Variants in NACC2 observed in about 807,000 individuals in gnomAD.
The protein encoded by NACC2 is NACC family member 2, also known as nucleus accumbens-associated protein 2.
Under a neutral mutation model 25.1 loss-of-function variants are expected in NACC2, and 8 were observed. That is an observed-to-expected ratio of 0.32 (90% CI 0.19 to 0.57). The LOEUF (loss-of-function observed/expected upper bound fraction) is 0.57. Ranked by LOEUF, NACC2 falls within the 20% of genes least tolerant of loss-of-function variation. The pLI is 0.89. For synonymous variants in NACC2, 435 were observed against 294.7 expected, an observed-to-expected ratio of 1.48 and a Z score of -4.88; for missense variants, 644 against 650.2, an observed-to-expected ratio of 0.99 and a Z score of 0.10.
chr9:136,032,620 G>A (rs990612488), intron 2 of NACC2, among the ~76,000 whole-genome samples: 1 of 152,222 alleles, frequency 6.6e-6, no homozygotes, highest in South Asian at 2.1e-4. Flanking sequence ...GAACAGGCCA[G>A]GCCTGGTGGC....
At position 136,022,614 on chromosome 9, in the gene NACC2, G is replaced by T. The variant is rs1840308304; in HGVS notation, c.887-6185C>A. Among the ~76,000 whole-genome samples, 2 of 152,174 alleles carry T rather than the reference G, an allele frequency of 1.3e-5. No individual in the cohort carries two copies. Among genetic ancestry groups the T allele is most frequent in the Non-Finnish European group, 2.9e-5 (2 of 68,024 alleles). ...GGCCAGTGAGCCTGTTCTGGGTCCAGTGCTTCTGGCAGTGAGGGGGGCTCA... is the reference window on the plus strand; with the variant it reads ...GGCCAGTGAGCCTGTTCTGGGTCCATTGCTTCTGGCAGTGAGGGGGGCTCA... On this transcript the variant is annotated intron_variant, in intron 2 of 5. Transcript: ENST00000277554. This position sits in a 1 kb window ranked among gnomAD's most constrained non-coding sequence, Gnocchi z 4.4.
In NACC2 at chr9:136,007,681, G is replaced by C. The variant is rs1263907077; in HGVS notation, c.*3835C>G. The C allele has an allele frequency of 2.0e-5, 3 of 152,290 alleles. No homozygotes were observed. The highest frequency in any genetic ancestry group is 4.4e-5 in the Non-Finnish European group (3 of 68,058). 9.4% of individuals were successfully genotyped at this position (152,290 alleles called of 1,614,324 possible). On this transcript the variant is annotated 3_prime_UTR_variant, in exon 6 of 6. Coordinates refer to ENST00000277554, the MANE Select transcript of NACC2 (RefSeq NM_144653.5). ...AGGACAGCTACGAGCTCTGGATTCT[G>C]CGCTTAGGACTCGCTGCTGGCAGAG... is the stretch of plus-strand genomic sequence containing the variant.
In NACC2 at chr9:136,086,943, T is replaced by A. The variant is rs1230758873; in HGVS notation, c.-60+8246A>T. Among the ~76,000 whole-genome samples the A allele has an allele frequency of 6.6e-6, 1 of 152,238 alleles. No homozygotes were observed. The highest frequency in any genetic ancestry group is 6.5e-5 in the Admixed American group (1 of 15,282). On this transcript the variant is annotated intron_variant, in intron 1 of 5. Transcript: ENST00000277554. This position sits in a 1 kb window ranked among gnomAD's most constrained non-coding sequence, Gnocchi z 5.6. ...GGGGGTTCGCATCTACCTGACCCTT[T>A]GAATGCGGCCTTATTTGGAAACAGG...
At chr9:136,081,737 C>T (rs1387189007) in intron 1 of NACC2, among the ~76,000 whole-genome samples, 1 of 152,074 alleles carries the variant, frequency 6.6e-6, no homozygotes, top group Non-Finnish European at 1.5e-5. Flanking sequence ...CCCTGGGGCA[C>T]CATCCCCACC....
rs1335074460 is a variant in NACC2, at chr9:136,094,617, TG to T, written c.-60+571del. Among the ~76,000 whole-genome samples, 5 of 151,970 alleles carry T rather than the reference TG, an allele frequency of 3.3e-5. No homozygotes were observed. In the East Asian group the frequency reaches 7.9e-4, roughly 24 times the overall value. On this transcript the variant is annotated intron_variant, in intron 1 of 5. Transcript: ENST00000277554. ...GCCGGACCCCAGTTTCTCCCCAGGC[TG>T]GGGCCCGAGTGGGGGAGGCGCGGGA...
intron 2 of NACC2, among the ~76,000 whole-genome samples, chr9:136,047,449 A>G (rs1840747862): frequency 6.6e-6 from 1 of 152,242 alleles, no homozygotes; most frequent in Non-Finnish European, 1.5e-5. Context: ...TGGCATCCAG[A>G]GCCAAACTGT....
At chr9:136,038,218 G>T (rs554978486) in intron 2 of NACC2, among the ~76,000 whole-genome samples, 1 of 152,302 alleles carries the variant, frequency 6.6e-6, no homozygotes, top group Non-Finnish European at 1.5e-5. Context: ...GACTGGGGAG[G>T]TGACTACATG....
At chr9:136,021,695 G>A (rs1456762474) in intron 2 of NACC2, among the ~76,000 whole-genome samples, 1 of 152,210 alleles carries the variant, frequency 6.6e-6, no homozygotes, top group Non-Finnish European at 1.5e-5. Flanking sequence ...CAGGCTAGAC[G>A]CAGCCCGGAT....
intron 2 of NACC2, among the ~76,000 whole-genome samples, chr9:136,033,223 G>C (rs1232130951): frequency 1.3e-5 from 2 of 151,918 alleles, no homozygotes; most frequent in African/African-American, 4.8e-5. Flanking sequence ...TAATCTGCAG[G>C]TAGACTCTCA....
chr9:136,090,048 G>A (rs998656918), intron 1 of NACC2, among the ~76,000 whole-genome samples: 7 of 151,708 alleles, frequency 4.6e-5, no homozygotes, highest in African/African-American at 7.3e-5. Flanking sequence ...TAACAAAGGC[G>A]CTTAGCTGTG....
chr9:136,094,014 T>C (rs1269179537), intron 1 of NACC2, among the ~76,000 whole-genome samples: 1 of 152,196 alleles, frequency 6.6e-6, no homozygotes, highest in African/African-American at 2.4e-5. Context: ...ACACGGACTC[T>C]GGCAGGAGAG....
At chr9:136,082,804 G>A (rs1034600185) in intron 1 of NACC2, among the ~76,000 whole-genome samples, 9 of 152,332 alleles carry the variant, frequency 5.9e-5, no homozygotes, top group South Asian at 2.1e-4. Context: ...CAGACGCCCC[G>A]TTCTCTGGGT....
In NACC2 at chr9:136,017,027, C is replaced by T. The variant is rs137902208; in HGVS notation, c.887-598G>A. Among the ~76,000 whole-genome samples, 1,062 of 152,272 alleles carry T rather than the reference C, an allele frequency of 7.0e-3. 7 individuals carry two copies. The highest frequency in any genetic ancestry group is 0.01 in the Non-Finnish European group (704 of 68,002). The stretch of plus-strand genomic sequence containing the variant: ...GACTCAGGGGCAAGGACACGGGGGA[C>T]TCAGTGCATCCAAGAACACAGCCCT... On this transcript the variant is annotated intron_variant, in intron 2 of 5. Transcript: ENST00000277554.
At position 136,061,940 on chromosome 9, in the gene NACC2, C is replaced by T. The variant is rs145265487; in HGVS notation, c.-59-11360G>A. Among the ~76,000 whole-genome samples, 365 of 152,150 alleles carry T rather than the reference C, an allele frequency of 2.4e-3. 6 individuals are homozygous for T. The East Asian group carries it at 0.028, about 12-fold the overall frequency. On this transcript the variant is annotated intron_variant, in intron 1 of 5. Transcript: ENST00000277554. ...TTCGAGACTAGCCTGGCCACCATGG[C>T]GAAATCCCATCCCTACTAAAAATAC... is the stretch of plus-strand genomic sequence containing the variant.
chr9:136,056,742 A>C lies in NACC2; in HGVS notation c.-59-6162T>G, dbSNP rs147154652. Among the ~76,000 whole-genome samples, 4 of 152,242 alleles carry C rather than the reference A, an allele frequency of 2.6e-5. No individual in the cohort carries two copies. In the East Asian group the frequency reaches 7.8e-4, roughly 30 times the overall value. On this transcript the variant is annotated intron_variant, in intron 1 of 5. Transcript: ENST00000277554. ...AGGAGAGCCATGCAGGGCTGGGCCCAGGCCGGGCTCTCTCCGTTCAGCCAG... is the reference window on the plus strand; with the variant it reads ...AGGAGAGCCATGCAGGGCTGGGCCCCGGCCGGGCTCTCTCCGTTCAGCCAG...
At chr9:136,033,940 T>TGTGA (rs1491487263) in intron 2 of NACC2, among the ~76,000 whole-genome samples, 115 of 144,768 alleles carry the variant, frequency 7.9e-4, no homozygotes, top group African/African-American at 1.3e-3. Context: ...TGTGTGTGTG[T>TGTGA]GAGATATTTG....
At chr9:136,074,226 A>G (rs1372802963) in intron 1 of NACC2, among the ~76,000 whole-genome samples, 2 of 149,550 alleles carry the variant, frequency 1.3e-5, no homozygotes, top group Admixed American at 6.7e-5. Flanking sequence ...CGAGGAGGGC[A>G]GATCACGAGG....
intron 2 of NACC2, among the ~76,000 whole-genome samples, chr9:136,028,470 G>A (rs371351661): frequency 1.5e-4 from 22 of 150,980 alleles, no homozygotes; most frequent in African/African-American, 4.9e-4. Flanking sequence ...CTGCCTACTG[G>A]GTTCAAGCAA....
chr9:136,025,922 CA>C (rs555437072), intron 2 of NACC2, among the ~76,000 whole-genome samples: 4 of 150,802 alleles, frequency 2.7e-5, no homozygotes, highest in Non-Finnish European at 5.9e-5. Flanking sequence ...CGAAAACAAA[CA>C]AAAAAAATCC....
Sources: gnomAD v4.1 joint callset for allele counts (sites outside exome capture counted in the v4.1 genomes callset) on GRCh38, gnomAD v4.1.1 for gene constraint, Gnocchi (gnomAD v3.1) non-coding constraint, MANE v1.5 for transcripts, NCBI Gene and HGNC (gene_info 2026-07-23, HGNC 2026-07-21) for gene names.